Variants in STIP1 observed in about 807,000 individuals in gnomAD.
STIP1 encodes the protein stress-induced-phosphoprotein 1.
Under a neutral mutation model 77.4 loss-of-function variants are expected in STIP1, and 16 were observed. The observed-to-expected ratio is 0.21, with a 90% CI of 0.14 to 0.31. STIP1 has a LOEUF of 0.31. Ranked by LOEUF, STIP1 falls within the 10% of genes least tolerant of loss-of-function variation. The pLI is 1.00. For missense variants in STIP1, 524 were observed against 684.8 expected (o/e 0.77, Z 2.62); for synonymous variants, 258 against 246.6 (o/e 1.05, Z -0.44).
intron 13 of STIP1, 76 bp downstream of exon 13, chr11:64,203,698 G>T: frequency 6.3e-7 from 1 of 1,578,088 alleles, no homozygotes; most frequent in Non-Finnish European, 8.7e-7. Flanking sequence ...CGGCTGGGGG[G>T]TGGTATGCTC....
At chr11:64,185,869 G>T, upstream of STIP1, 1 of 1,536,202 alleles carries the variant, frequency 6.5e-7, no homozygotes, top group Non-Finnish European at 8.7e-7. Flanking sequence ...TTTCCAGAAC[G>T]ATCAGAACCA....
At chr11:64,186,462 CG>C (rs1015321659) in intron 1 of STIP1, 192 bp downstream of exon 1, 2 of 547,328 alleles carry the variant, frequency 3.7e-6, no homozygotes, top group Non-Finnish European at 5.3e-6. Flanking sequence ...AGGCCGGCCG[CG>C]GGGAGCGCCC....
chr11:64,201,994 C>T (rs560164305), intron 10 of STIP1, among the ~76,000 whole-genome samples: 1 of 152,306 alleles, frequency 6.6e-6, no homozygotes, highest in African/African-American at 2.4e-5. Context: ...CAAATGTTGA[C>T]CTGTTTTTGC....
At chr11:64,191,968 C>T (rs1172449155) in intron 1 of STIP1, among the ~76,000 whole-genome samples, 1 of 151,982 alleles carries the variant, frequency 6.6e-6, no homozygotes, top group Non-Finnish European at 1.5e-5. Context: ...AGAGGCGCTC[C>T]TCACTTCCCA....
In STIP1 at chr11:64,194,395, A is replaced by G. The variant is rs1946125336; in HGVS notation, c.361+65A>G. The G allele has an allele frequency of 5.0e-6, 8 of 1,610,360 alleles. No individual in the cohort carries two copies. In the South Asian group the frequency reaches 8.8e-5, roughly 18 times the overall value. ...GATTAATTTTGAGTCTTCACCCCTG[A>G]GAAATGTCAGTCTGGTAGGGTATGG... On this transcript the variant is annotated intron_variant, in intron 3 of 13. Transcript: ENST00000305218.
In STIP1 at chr11:64,193,189, T is replaced by C; in HGVS notation, c.121T>C (p.Tyr41His). Residue 41 changes from tyrosine (Y) to histidine (H), a missense_variant, in exon 2 of 14, where the codon TAC becomes CAC. Physicochemically the swap from Tyr to His is moderately conservative, Grantham distance 83 (BLOSUM62 2). Coordinates refer to ENST00000305218, the MANE Select transcript of STIP1 (RefSeq NM_006819.3). ...GCTGGATCCCCACAACCACGTGCTG[T>C]ACAGCAACCGTTCTGCTGCCTATGC... Reference protein sequence around the residue: ...IKLDPHNHVLYSNRSAAYAKK... With the variant: ...IKLDPHNHVLHSNRSAAYAKK... 1 of 1,614,186 alleles carries C rather than the reference T, an allele frequency of 6.2e-7. No homozygotes were observed. Among genetic ancestry groups the C allele is most frequent in the Non-Finnish European group, 8.5e-7 (1 of 1,180,040 alleles).
At chr11:64,202,548 T>G in intron 10 of STIP1, 7 of 295,336 alleles carry the variant, frequency 2.4e-5, no homozygotes, top group East Asian at 8.4e-5. Flanking sequence ...GCACCCAGCG[T>G]TGTTTTGTTT....
intron 5 of STIP1, 45 bp downstream of exon 5, chr11:64,195,858 T>C (rs372723522): frequency 3.1e-6 from 5 of 1,610,790 alleles, no homozygotes; most frequent in Non-Finnish European, 4.2e-6. Context: ...TATAAACAAC[T>C]AGAAATCTTT....
At chr11:64,192,512 G>GA (rs1358446004) in intron 1 of STIP1, among the ~76,000 whole-genome samples, 11 of 152,196 alleles carry the variant, frequency 7.2e-5, no homozygotes, top group African/African-American at 2.2e-4. Flanking sequence ...ATCCTGTGGT[G>GA]ACATGTTGCC....
At chr11:64,191,792 A>G (rs1316490188) in intron 1 of STIP1, among the ~76,000 whole-genome samples, 4 of 150,988 alleles carry the variant, frequency 2.6e-5, no homozygotes, top group Non-Finnish European at 4.4e-5. Context: ...GTAAAATTTA[A>G]TGTGGAAAAT....
Position 64,200,197 on chromosome 11 carries a change from T to C in STIP1, c.1149T>C (p.Tyr383=), listed in dbSNP as rs1316840127. 1.2e-6 allele frequency: 2 copies of C among 1,613,974 alleles called. No homozygotes were observed. Among genetic ancestry groups the C allele is most frequent in the Non-Finnish European group, 1.7e-6 (2 of 1,180,014 alleles). Residue 383 remains tyrosine (Y), a synonymous_variant, in exon 10 of 14, where the codon TAT becomes TAC. Transcript: ENST00000305218. ...ACTATCCCCAGGCCATGAAGCATTA[T>C]ACAGAAGCCATCAAAAGGAACCCGA... ...KGDYPQAMKH[Y]TEAIKRNPKD...
At chr11:64,198,816 A>C (rs540845132) in intron 8 of STIP1, among the ~76,000 whole-genome samples, 105 of 141,720 alleles carry the variant, frequency 7.4e-4, no homozygotes, top group Non-Finnish European at 1.2e-3. Context: ...AAATGTGTTA[A>C]TATTGAGGGC....
intron 5 of STIP1, among the ~76,000 whole-genome samples, chr11:64,196,560 C>G (rs1455348180): frequency 6.6e-6 from 1 of 152,080 alleles, no homozygotes; most frequent in Non-Finnish European, 1.5e-5. Flanking sequence ...AATTCACGTC[C>G]TTGTCGTGAT....
intron 1 of STIP1, among the ~76,000 whole-genome samples, chr11:64,192,810 T>C (rs986286933): frequency 1.3e-5 from 2 of 152,236 alleles, no homozygotes. Context: ...GAGCTCCATG[T>C]GGAGACCGGA....
chr11:64,189,600 G>C (rs1434356531), intron 1 of STIP1, among the ~76,000 whole-genome samples: 2 of 151,526 alleles, frequency 1.3e-5, no homozygotes, highest in African/African-American at 4.9e-5. Context: ...ATCCCACAAT[G>C]ATACACTTCT....
upstream of STIP1, chr11:64,186,115 CT>C (rs1421459676): frequency 8.4e-6 from 13 of 1,550,522 alleles, no homozygotes; most frequent in South Asian, 4.8e-5. Context: ...GACATTCCCC[CT>C]AGAAGAACTC....
At chr11:64,191,223 T>A (rs940053799) in intron 1 of STIP1, among the ~76,000 whole-genome samples, 25 of 148,778 alleles carry the variant, frequency 1.7e-4, no homozygotes, top group Admixed American at 6.7e-4. Flanking sequence ...GTCAGGAGGA[T>A]TGCTTGAGCC....
At position 64,193,194 on chromosome 11, in the gene STIP1, C is replaced by T; in HGVS notation, c.126C>T (p.Ser42=). 1.2e-6 allele frequency: 2 copies of T among 1,614,228 alleles called. No individual in the cohort carries two copies. The highest frequency in any genetic ancestry group is 1.1e-5 in the South Asian group (1 of 91,082). Residue 42 remains serine, a synonymous_variant, in exon 2 of 14, where the codon AGC becomes AGT. Transcript: ENST00000305218. Reference sequence around the variant, plus strand: ...ATCCCCACAACCACGTGCTGTACAGCAACCGTTCTGCTGCCTATGCCAAGA... The same window carrying T: ...ATCCCCACAACCACGTGCTGTACAGTAACCGTTCTGCTGCCTATGCCAAGA... The part of the protein sequence containing the change: ...KLDPHNHVLY[S]NRSAAYAKKG...
intron 1 of STIP1, 38 bp from the exon 2 acceptor site, chr11:64,193,040 G>A (rs763142661): frequency 6.3e-7 from 1 of 1,586,300 alleles, no homozygotes; most frequent in Non-Finnish European, 8.6e-7. Context: ...GATTAAATGG[G>A]CACATCATAG....
Sources: allele counts gnomAD v4.1 joint callset (sites outside exome capture counted in the v4.1 genomes callset), GRCh38; gene constraint gnomAD v4.1.1; transcripts MANE v1.5; gene names NCBI Gene and HGNC (gene_info 2026-07-23, HGNC 2026-07-21).